Variants in ZNF704 observed in about 807,000 individuals in gnomAD.
ZNF704 encodes glucocorticoid induced gene 1.
Under a neutral mutation model 44.7 loss-of-function variants are expected in ZNF704, and 10 were observed. That is an observed-to-expected ratio of 0.22 (90% CI 0.14 to 0.38). The LOEUF (loss-of-function observed/expected upper bound fraction) is 0.38, where lower values mean the gene tolerates loss of function less well. ZNF704 is among the 10% of genes least tolerant of loss of function. The pLI, the probability that ZNF704 is intolerant of heterozygous loss-of-function variation, is 1.00. For synonymous variants in ZNF704, 211 were observed against 207.6 expected (o/e 1.02, Z -0.14); for missense variants, 390 against 545.5 (o/e 0.71, Z 2.84).
intron 2 of ZNF704, among the ~76,000 whole-genome samples, chr8:80,729,956 C>T (rs994525704): frequency 2.6e-5 from 4 of 152,140 alleles, no homozygotes; most frequent in Non-Finnish European, 2.9e-5. Context: ...TGGCTTCTCC[C>T]GTGTGCTTGC....
rs143042996 is a variant in ZNF704 at position 80,780,052 on chromosome 8, A to G, written c.221+41322T>C. ...GAAAGATATCTGGGTGTTAGGTGAT[A>G]CAGGGGTAGGGGTCATGGTGATAAG... On this transcript the variant is annotated intron_variant, in intron 2 of 8. Transcript: ENST00000327835. Among the ~76,000 whole-genome samples, 170 of 152,148 alleles carry G rather than the reference A, an allele frequency of 1.1e-3. 1 individual carries two copies. The highest frequency in any genetic ancestry group is 3.9e-3 in the African/African-American group (163 of 41,514).
rs1817732675 is a variant in ZNF704, at chr8:80,640,955, T to C, written c.*411A>G. 6.3e-6 allele frequency: 1 copy of C among 158,196 alleles called. No individual in the cohort carries two copies. Among genetic ancestry groups the C allele is most frequent in the Non-Finnish European group, 1.4e-5 (1 of 71,146 alleles). 9.8% of individuals were successfully genotyped at this position (158,196 alleles called of 1,614,324 possible). A position where few individuals can be genotyped will look rare whatever the true frequency, so the allele number is the denominator to read the frequency against. ...TGTACAAATGCTACTGAATAACCTG[T>C]AGCTTGTTTTTTAAGTGTCAAAAAA... On this transcript the variant is annotated 3_prime_UTR_variant, in exon 9 of 9. Transcript: ENST00000327835.
upstream of ZNF704, among the ~76,000 whole-genome samples, chr8:80,878,914 G>A (rs1809392351): frequency 6.6e-6 from 1 of 151,952 alleles, no homozygotes; most frequent in Non-Finnish European, 1.5e-5. Flanking sequence ...GTGCAATTTT[G>A]TCTTTGTTGT....
chr8:80,837,834 T>C (rs762278902), intron 1 of ZNF704, among the ~76,000 whole-genome samples: 1 of 152,164 alleles, frequency 6.6e-6, no homozygotes, highest in Non-Finnish European at 1.5e-5. Flanking sequence ...ATAGCTATGA[T>C]GGCCACACAG....
intron 2 of ZNF704, among the ~76,000 whole-genome samples, chr8:80,780,262 T>G (rs903829121): frequency 6.6e-6 from 1 of 152,176 alleles, no homozygotes; most frequent in Admixed American, 6.6e-5. Context: ...GCCCTAAATG[T>G]CAGGCTTAGA....
intron 4 of ZNF704, among the ~76,000 whole-genome samples, chr8:80,675,797 C>T (rs1018580079): frequency 6.6e-6 from 1 of 152,090 alleles, no homozygotes; most frequent in African/African-American, 2.4e-5. Context: ...AAGGAGATTG[C>T]ACGCAGGACA....
chr8:80,795,533 A>G (rs751402133), intron 2 of ZNF704, among the ~76,000 whole-genome samples: 1 of 152,048 alleles, frequency 6.6e-6, no homozygotes. Flanking sequence ...ACGCTTTTAC[A>G]TTATGTTAAG....
intron 3 of ZNF704, among the ~76,000 whole-genome samples, chr8:80,689,701 A>G (rs1818599720): frequency 6.6e-6 from 1 of 152,208 alleles, no homozygotes; most frequent in African/African-American, 2.4e-5. Context: ...TATTTTGAAA[A>G]CCAACTATTA....
At chr8:80,717,569 T>C (rs543464183) in intron 2 of ZNF704, among the ~76,000 whole-genome samples, 88 of 152,222 alleles carry the variant, frequency 5.8e-4, no homozygotes, top group Non-Finnish European at 6.3e-4. Flanking sequence ...CTCTTCCTCT[T>C]TGCCAATCTG....
At chr8:80,728,803 GTTA>G (rs927076005) in intron 2 of ZNF704, among the ~76,000 whole-genome samples, 9 of 152,148 alleles carry the variant, frequency 5.9e-5, no homozygotes, top group African/African-American at 1.4e-4. Flanking sequence ...CGCTGGACAA[GTTA>G]TTAATCCTCC....
chr8:80,644,302 G>T (rs150285648), intron 7 of ZNF704, among the ~76,000 whole-genome samples: 469 of 152,220 alleles, frequency 3.1e-3, no homozygotes, highest in South Asian at 9.5e-3. Flanking sequence ...AGTCATAGAG[G>T]AGGGCCCCTA....
At chr8:80,712,033 T>C (rs1025302022) in intron 2 of ZNF704, among the ~76,000 whole-genome samples, 2 of 152,244 alleles carry the variant, frequency 1.3e-5, no homozygotes, top group African/African-American at 4.8e-5. Context: ...AAAGTCCACG[T>C]GTTGGAAACT....
rs1428032479 is a variant in ZNF704, at chr8:80,636,548, A to G, written c.*4818T>C. On this transcript the variant is annotated 3_prime_UTR_variant, in exon 9 of 9. Transcript: ENST00000327835. ...CTGACTTCAGGTTTGGCTAGTTACA[A>G]TGCAAAAAAGATACATGAAACAGTT... 2 of 152,214 alleles carry G rather than the reference A, an allele frequency of 1.3e-5. No homozygotes were observed. The highest frequency in any genetic ancestry group is 6.5e-5 in the Admixed American group (1 of 15,282). The allele number at this position is 152,214 out of a possible 1,614,324, so 9.4% of individuals were successfully genotyped here. A position where few individuals can be genotyped will look rare whatever the true frequency, so the allele number is the denominator to read the frequency against.
chr8:80,795,115 GCA>G (rs1438330157), intron 2 of ZNF704, among the ~76,000 whole-genome samples: 1 of 152,094 alleles, frequency 6.6e-6, no homozygotes, highest in African/African-American at 2.4e-5. Context: ...TCACACAAGC[GCA>G]CACACAGAGC....
At chr8:80,700,795 T>C (rs1384736156) in intron 2 of ZNF704, among the ~76,000 whole-genome samples, 2 of 150,834 alleles carry the variant, frequency 1.3e-5, no homozygotes, top group South Asian at 2.1e-4. Context: ...GAAACTTCCA[T>C]AATACGATTT....
At chr8:80,738,602 C>T (rs1260941803) in intron 2 of ZNF704, among the ~76,000 whole-genome samples, 1 of 149,732 alleles carries the variant, frequency 6.7e-6, no homozygotes, top group Non-Finnish European at 1.5e-5. Context: ...AACCTTTTAA[C>T]CTTTGCACTG....
At chr8:80,692,101 C>T (rs923268368) in intron 3 of ZNF704, among the ~76,000 whole-genome samples, 3 of 152,272 alleles carry the variant, frequency 2.0e-5, no homozygotes, top group Non-Finnish European at 2.9e-5. Flanking sequence ...ATAGCCTCAG[C>T]ATAAAGTCCA....
At chr8:80,728,528 G>A (rs1331963030) in intron 2 of ZNF704, among the ~76,000 whole-genome samples, 1 of 152,166 alleles carries the variant, frequency 6.6e-6, no homozygotes, top group Non-Finnish European at 1.5e-5. Flanking sequence ...CACCCCATGA[G>A]TTAGGCATTT....
At chr8:80,714,296 A>G (rs909448281) in intron 2 of ZNF704, among the ~76,000 whole-genome samples, 1 of 152,246 alleles carries the variant, frequency 6.6e-6, no homozygotes, top group African/African-American at 2.4e-5. Context: ...CCTGACATGT[A>G]GCATCCAACA....
Sources: gnomAD v4.1 joint callset for allele counts (sites outside exome capture counted in the v4.1 genomes callset) on GRCh38, gnomAD v4.1.1 for gene constraint, MANE v1.5 for transcripts, NCBI Gene and HGNC (gene_info 2026-07-23, HGNC 2026-07-21) for gene names.